The following PALM variants were observed in gnomAD, a reference collection of about 807,000 sequenced individuals.
PALM encodes paralemmin-1.
In PALM, 18 loss-of-function variants were observed where a neutral mutation model predicts 30.7. That is an observed-to-expected ratio of 0.59 (90% CI 0.41 to 0.87). The LOEUF is 0.87. PALM is among the 40% of genes least tolerant of loss of function. PALM has a pLI of 0.00. For missense variants in PALM, 529 were observed against 555.4 expected, an observed-to-expected ratio of 0.95 and a Z score of 0.48; for synonymous variants, 286 against 242.8, an observed-to-expected ratio of 1.18 and a Z score of -1.66.
chr19:726,843 G>T (rs961299025), intron 2 of PALM, among the ~76,000 whole-genome samples, 165 bp from the exon 3 acceptor site: 2 of 152,162 alleles, frequency 1.3e-5, no homozygotes, highest in Admixed American at 6.5e-5. Flanking sequence ...CTGCTGTCCC[G>T]GGCTGGAGTA....
chr19:741,786 A>AC (rs528546840), intron 8 of PALM, among the ~76,000 whole-genome samples: 1 of 151,772 alleles, frequency 6.6e-6, no homozygotes, highest in African/African-American at 2.4e-5. Context: ...GATGCCAGGG[A>AC]CCCCAGGAGG....
intron 4 of PALM, among the ~76,000 whole-genome samples, chr19:728,101 C>A (rs1452757000): frequency 6.6e-6 from 1 of 152,202 alleles, no homozygotes; most frequent in Non-Finnish European, 1.5e-5. Context: ...CTGGCGCCAG[C>A]CCAGCTGGCG....
intron 1 of PALM, among the ~76,000 whole-genome samples, chr19:714,253 T>G (rs1247716319): frequency 6.0e-5 from 9 of 150,314 alleles, no homozygotes; most frequent in Non-Finnish European, 7.4e-5. Flanking sequence ...TTGGCCAGGC[T>G]GGTCTTGAAC....
Position 727,034 on chromosome 19 carries a change from C to A in PALM, c.84C>A (p.Ile28=). ...IAEKRKRQAE[I]ENKRRQLEDE... is the part of the protein sequence containing the mutation. ...AGAAGCGGAAGCGGCAGGCGGAGATCGAGAACAAGCGCCGGCAGCTGGAGG... is the reference window on the plus strand; with the variant it reads ...AGAAGCGGAAGCGGCAGGCGGAGATAGAGAACAAGCGCCGGCAGCTGGAGG... The change falls in exon 3 of 9, where the codon ATC becomes ATA. Residue 28 remains isoleucine, a synonymous_variant. Transcript: ENST00000338448. 2 of 1,319,012 alleles carry A rather than the reference C, an allele frequency of 1.5e-6. No homozygotes were observed. Among genetic ancestry groups the A allele is most frequent in the Non-Finnish European group, 2.0e-6 (2 of 990,490 alleles). The allele number at this position is 1,319,012 out of a possible 1,614,324, so 81.7% of individuals were successfully genotyped here. A position where few individuals can be genotyped will look rare whatever the true frequency, so the allele number is the denominator to read the frequency against.
chr19:732,944 T>C (rs898262962), intron 5 of PALM, among the ~76,000 whole-genome samples: 1 of 151,390 alleles, frequency 6.6e-6, no homozygotes, highest in African/African-American at 2.4e-5. Context: ...TTTGTGTTTT[T>C]TTTTTTGAGA....
At chr19:713,726 G>C (rs2032159285) in intron 1 of PALM, among the ~76,000 whole-genome samples, 1 of 150,950 alleles carries the variant, frequency 6.6e-6, no homozygotes, top group Non-Finnish European at 1.5e-5. Context: ...CTACAGGCAT[G>C]CGCCACTGCG....
chr19:740,579 A>G, intron 8 of PALM, 96 bp downstream of exon 8: 4 of 1,162,586 alleles, frequency 3.4e-6, no homozygotes, highest in Non-Finnish European at 4.8e-6. Flanking sequence ...CCCCGGAATC[A>G]GGACCCCGAT....
rs1251040349 is a variant in PALM at position 742,499 on chromosome 19, G to T, written c.634+2016G>T. ...GGACGCCTGTAATCCCAGATACTTT[G>T]GAGGCTGAAGCAGGAGAATCACTTG... On this transcript the variant is annotated intron_variant, in intron 8 of 8. Coordinates refer to ENST00000338448, the MANE Select transcript of PALM (RefSeq NM_002579.3). This position sits in a 1 kb window ranked among gnomAD's most constrained non-coding sequence, Gnocchi z 5.5. Among the ~76,000 whole-genome samples the T allele has an allele frequency of 2.0e-5, 3 of 152,106 alleles. No individual in the cohort carries two copies. The highest frequency in any genetic ancestry group is 4.4e-5 in the Non-Finnish European group (3 of 68,022).
chr19:735,357 T>C (rs112414957), intron 6 of PALM, among the ~76,000 whole-genome samples: 371 of 128,054 alleles, frequency 2.9e-3, no homozygotes, highest in African/African-American at 7.4e-3. Context: ...GGGTGGGATC[T>C]GTGTGTCTGA....
At chr19:719,281 C>G in intron 1 of PALM, 2 of 985,450 alleles carry the variant, frequency 2.0e-6, no homozygotes, top group African/African-American at 1.7e-5. Context: ...TGGGCCCTTC[C>G]AACACCAACG....
intron 1 of PALM, among the ~76,000 whole-genome samples, chr19:725,243 C>T (rs1000826159): frequency 5.9e-5 from 9 of 151,808 alleles, no homozygotes; most frequent in African/African-American, 1.7e-4. Flanking sequence ...GCTACAGCTG[C>T]ACTGGGTGGG....
At chr19:738,411 A>G (rs907646973) in intron 7 of PALM, among the ~76,000 whole-genome samples, 2 of 152,128 alleles carry the variant, frequency 1.3e-5, no homozygotes, top group Admixed American at 1.3e-4. Context: ...CTGTAATCCC[A>G]GCTGCTCGGG....
intron 6 of PALM, chr19:735,056 G>A (rs2032981517): frequency 1.0e-6 from 1 of 989,010 alleles, no homozygotes; most frequent in Non-Finnish European, 1.2e-6. Context: ...TGAGGATGAG[G>A]AATGAACTGT....
At chr19:724,613 G>A (rs1010511368) in intron 1 of PALM, among the ~76,000 whole-genome samples, 5 of 149,600 alleles carry the variant, frequency 3.3e-5, no homozygotes, top group East Asian at 2.0e-4. Context: ...GAGCCACTGC[G>A]CCCGGCCATT....
rs1041574815 is a variant in PALM at position 746,193 on chromosome 19, C to T, written c.635-92C>T. The T allele has an allele frequency of 6.5e-5, 62 of 949,088 alleles. No individual in the cohort carries two copies. The highest frequency in any genetic ancestry group is 9.2e-5 in the Non-Finnish European group (56 of 610,460). The allele number at this position is 949,088 out of a possible 1,614,324, so 58.8% of individuals were successfully genotyped here. On this transcript the variant is annotated intron_variant, in intron 8 of 8. Coordinates refer to ENST00000338448, the MANE Select transcript of PALM (RefSeq NM_002579.3). This position sits in a 1 kb window ranked among gnomAD's most constrained non-coding sequence, Gnocchi z 7.1. ...CTTTAGCCTGGAGGAGGATACAAGC[C>T]TTGCCAAGGTTTCCCTCCTGCCTGA...
intron 8 of PALM, among the ~76,000 whole-genome samples, chr19:745,129 G>A (rs921969184): frequency 1.3e-5 from 2 of 152,224 alleles, no homozygotes; most frequent in African/African-American, 4.8e-5. Context: ...GCAGTGAACT[G>A]AGATCGTGCC....
At chr19:726,567 C>G (rs1057208949) in intron 2 of PALM, among the ~76,000 whole-genome samples, 2 of 152,166 alleles carry the variant, frequency 1.3e-5, no homozygotes, top group Non-Finnish European at 2.9e-5. Context: ...CTCTGTGACC[C>G]GACCCTCCTG....
rs1275435339 is a variant in PALM at position 712,780 on chromosome 19, A to G, written c.5+3629A>G. 1.0e-3 allele frequency among the ~76,000 whole-genome samples: 143 copies of G among 138,534 alleles called. No individual in the cohort carries two copies. In the Middle Eastern group the frequency reaches 0.015, roughly 14 times the overall value. 90.9% of individuals were successfully genotyped at this position (138,534 alleles called of 152,430 possible). ...AACCTCTGCCTCCTGGGTTCAAGCG[A>G]TTCTCCTGCCTCAGCCTCCCGAGTA... On this transcript the variant is annotated intron_variant, in intron 1 of 8. Transcript: ENST00000338448.
At chr19:724,645 C>T (rs962846437) in intron 1 of PALM, among the ~76,000 whole-genome samples, 5 of 151,738 alleles carry the variant, frequency 3.3e-5, no homozygotes, top group Non-Finnish European at 1.5e-5. Context: ...GAGACAGAGC[C>T]TCATGCTGCT....
Sources: allele counts gnomAD v4.1 joint callset (sites outside exome capture counted in the v4.1 genomes callset), GRCh38; gene constraint gnomAD v4.1.1; non-coding constraint Gnocchi (gnomAD v3.1); transcripts MANE v1.5; gene names NCBI Gene and HGNC (gene_info 2026-07-23, HGNC 2026-07-21).